The following ITGA11 variants were observed in gnomAD, a reference collection of about 807,000 sequenced individuals.
The protein encoded by ITGA11 is integrin alpha-11.
In ITGA11, 97 loss-of-function variants were observed where a neutral mutation model predicts 141.9. That is an observed-to-expected ratio of 0.68 (90% CI 0.58 to 0.81). The LOEUF (loss-of-function observed/expected upper bound fraction) is 0.81, where lower values mean the gene tolerates loss of function less well. Among genes scored for constraint, ITGA11 ranks in the 30% least tolerant of loss-of-function variants. ITGA11 has a pLI of 0.00. For missense variants in ITGA11, 1,387 were observed against 1,559.2 expected, an observed-to-expected ratio of 0.89 and a Z score of 1.86; for synonymous variants, 658 against 624.6, an observed-to-expected ratio of 1.05 and a Z score of -0.80.
At position 68,344,234 on chromosome 15, in the gene ITGA11, A is replaced by G. The variant is rs180906957; in HGVS notation, c.1132-4590T>C. ...CCCCTGGGGAGAGGGCCAGGAGACC[A>G]TCTTGACTGCCCGCCCAGCCTGGCA... On this transcript the variant is annotated intron_variant, in intron 10 of 29. Coordinates refer to ENST00000315757, the MANE Select transcript of ITGA11 (RefSeq NM_001004439.2). Among the ~76,000 whole-genome samples the G allele has an allele frequency of 2.6e-5, 4 of 152,184 alleles. No individual in the cohort carries two copies. In the East Asian group the frequency reaches 7.7e-4, roughly 29 times the overall value.
chr15:68,430,097 G>T (rs924696985), intron 1 of ITGA11, among the ~76,000 whole-genome samples: 1 of 152,200 alleles, frequency 6.6e-6, no homozygotes, highest in African/African-American at 2.4e-5. Flanking sequence ...TTCCAACATT[G>T]ATTGATATGT....
At chr15:68,344,039 T>C (rs770712737) in intron 10 of ITGA11, among the ~76,000 whole-genome samples, 3 of 152,046 alleles carry the variant, frequency 2.0e-5, no homozygotes, top group Non-Finnish European at 4.4e-5. Context: ...TTGCCTCCTG[T>C]CAGAGGCCCT....
In ITGA11 at chr15:68,328,285, C is replaced by G; in HGVS notation, c.1902-23G>C. 1 of 1,605,552 alleles carries G rather than the reference C, an allele frequency of 6.2e-7. No individual in the cohort carries two copies. The highest frequency in any genetic ancestry group is 8.5e-7 in the Non-Finnish European group (1 of 1,174,826). On this transcript the variant is annotated intron_variant, in intron 15 of 29. Transcript: ENST00000315757. This position sits in a 1 kb window ranked among gnomAD's most constrained non-coding sequence, Gnocchi z 4.8. Reference sequence around the variant, plus strand: ...GACCTGGAGGAGAAGGGCCAGTGAGCTGGGGTGGGGCAGGGGCTCAGGCTG... The same window carrying G: ...GACCTGGAGGAGAAGGGCCAGTGAGGTGGGGTGGGGCAGGGGCTCAGGCTG...
At chr15:68,409,082 C>A (rs1025582893) in intron 1 of ITGA11, among the ~76,000 whole-genome samples, 5 of 152,174 alleles carry the variant, frequency 3.3e-5, no homozygotes, top group Non-Finnish European at 5.9e-5. Context: ...GATCAAGATG[C>A]CCTGGTTCCT....
chr15:68,400,659 AAT>A (rs1491414259), intron 2 of ITGA11, among the ~76,000 whole-genome samples: 8 of 51,520 alleles, frequency 1.6e-4, no homozygotes, highest in African/African-American at 3.5e-4. Flanking sequence ...TTATATAATA[AAT>A]ATATTATATA....
At chr15:68,312,430 A>G (rs189038470) in intron 24 of ITGA11, among the ~76,000 whole-genome samples, 6 of 152,208 alleles carry the variant, frequency 3.9e-5, no homozygotes, top group Non-Finnish European at 8.8e-5. Flanking sequence ...GGAATAGAAG[A>G]CCCACTCCTG....
rs978206893 is a variant in ITGA11 at position 68,376,590 on chromosome 15, C to T, written c.165-7306G>A. 2.0e-5 allele frequency among the ~76,000 whole-genome samples: 3 copies of T among 152,214 alleles called. 1 individual carries two copies. The highest frequency in any genetic ancestry group is 4.4e-5 in the Non-Finnish European group (3 of 68,034). On this transcript the variant is annotated intron_variant, in intron 2 of 29. Transcript: ENST00000315757. ...TGAATCACCTGGCTTAGTGGGATGC[C>T]TGTGACCCAGTAGGCTGCAGCTTGG...
chr15:68,370,445 C>T (rs183155569), intron 2 of ITGA11, among the ~76,000 whole-genome samples: 8 of 152,298 alleles, frequency 5.3e-5, no homozygotes, highest in Non-Finnish European at 8.8e-5. Flanking sequence ...GGGCCCTCTA[C>T]GCCTCATCTC....
At chr15:68,385,174 G>A (rs1266678792) in intron 2 of ITGA11, among the ~76,000 whole-genome samples, 1 of 152,274 alleles carries the variant, frequency 6.6e-6, no homozygotes, top group Admixed American at 6.5e-5. Flanking sequence ...ATGTGCTTGA[G>A]TTTCCATTGC....
intron 1 of ITGA11, among the ~76,000 whole-genome samples, chr15:68,410,336 G>A (rs770520924): frequency 2.6e-5 from 4 of 152,176 alleles, no homozygotes; most frequent in Non-Finnish European, 2.9e-5. Flanking sequence ...GAGGGAGGGC[G>A]CTGGGATGGG....
rs1281488642 is a variant in ITGA11 at position 68,324,359 on chromosome 15, A to T, written c.2322+772T>A. ...TGGCTGGACTCTGTCACTCACACAG[A>T]CGTTGCTCAGAGACTGGACCTCACA... is the stretch of plus-strand genomic sequence containing the variant. On this transcript the variant is annotated intron_variant, in intron 18 of 29. Transcript: ENST00000315757. This position sits in a 1 kb window ranked among gnomAD's most constrained non-coding sequence, Gnocchi z 6.3. Among the ~76,000 whole-genome samples the T allele has an allele frequency of 6.6e-6, 1 of 152,216 alleles. No homozygotes were observed. Among genetic ancestry groups the T allele is most frequent in the Non-Finnish European group, 1.5e-5 (1 of 68,036 alleles).
At chr15:68,396,480 A>G (rs1896244756) in intron 2 of ITGA11, among the ~76,000 whole-genome samples, 1 of 152,082 alleles carries the variant, frequency 6.6e-6, no homozygotes, top group Non-Finnish European at 1.5e-5. Flanking sequence ...TTATTTAATT[A>G]TGAAATATTG....
rs573309205 is a variant in ITGA11, at chr15:68,322,305, G to C, written c.2323-802C>G. On this transcript the variant is annotated intron_variant, in intron 18 of 29. Coordinates refer to ENST00000315757, the MANE Select transcript of ITGA11 (RefSeq NM_001004439.2). This position sits in a 1 kb window ranked among gnomAD's most constrained non-coding sequence, Gnocchi z 5.6. ...GTCCTGACAGACCTGCATGCTGAAG[G>C]CTGCCCTGGCTGCTGTGGGAGAATG... Among the ~76,000 whole-genome samples, 48 of 152,172 alleles carry C rather than the reference G, an allele frequency of 3.2e-4. No homozygotes were observed. The highest frequency in any genetic ancestry group is 6.6e-4 in the Non-Finnish European group (45 of 68,022).
At chr15:68,332,504 G>C (rs1234507848) in intron 12 of ITGA11, 26 bp from the exon 13 acceptor site, 11 of 1,607,334 alleles carry the variant, frequency 6.8e-6, no homozygotes, top group Non-Finnish European at 9.4e-6. Context: ...GGAGAGAGGA[G>C]TGGGCTGGCT....
At chr15:68,331,145 C>T in intron 14 of ITGA11, 34 bp from the exon 15 acceptor site, 1 of 1,535,582 alleles carries the variant, frequency 6.5e-7, no homozygotes, top group South Asian at 1.2e-5. Context: ...GGAGGGCATG[C>T]ACACTGTGAG....
In ITGA11 at chr15:68,304,824, C is replaced by T. The variant is rs150307441; in HGVS notation, c.3382-939G>A. Among the ~76,000 whole-genome samples the T allele has an allele frequency of 3.2e-3, 487 of 152,362 alleles. 1 individual carries two copies. Among genetic ancestry groups the T allele is most frequent in the Non-Finnish European group, 4.5e-3 (309 of 68,036 alleles). ...ACTGACCCTAACTCTCACACCCACA[C>T]GGAGCCCAGCAGCAAAGTCTGTCCA... On this transcript the variant is annotated intron_variant, in intron 28 of 29. Transcript: ENST00000315757. The surrounding 1 kb of genome is among the most constrained non-coding windows in gnomAD (Gnocchi z 6.1).
chr15:68,307,707 A>G lies in ITGA11; in HGVS notation c.3175-11T>C. The stretch of plus-strand genomic sequence containing the variant: ...AGAGTTGCTGTGATTCTGAAAGAGA[A>G]GATGGGTCTCAGGGCTGAGCTGCTG... On this transcript the variant is annotated splice_polypyrimidine_tract_variant and intron_variant, in intron 26 of 29. Transcript: ENST00000315757. This position sits in a 1 kb window ranked among gnomAD's most constrained non-coding sequence, Gnocchi z 6.1. The G allele has an allele frequency of 6.3e-7, 1 of 1,596,990 alleles. No homozygotes were observed.
At chr15:68,347,693 A>G (rs1044799226) in intron 10 of ITGA11, among the ~76,000 whole-genome samples, 2 of 151,792 alleles carry the variant, frequency 1.3e-5, no homozygotes, top group African/African-American at 4.8e-5. Flanking sequence ...CGAGACTAAT[A>G]TTTTTTCTGA....
At chr15:68,360,505 AC>A (rs1406945597) in intron 5 of ITGA11, among the ~76,000 whole-genome samples, 6 of 152,120 alleles carry the variant, frequency 3.9e-5, no homozygotes, top group Non-Finnish European at 8.8e-5. Flanking sequence ...GCACACACAC[AC>A]ACTTGCACAT....
Sources: gnomAD v4.1 joint callset for allele counts (sites outside exome capture counted in the v4.1 genomes callset) on GRCh38, gnomAD v4.1.1 for gene constraint, Gnocchi (gnomAD v3.1) non-coding constraint, MANE v1.5 for transcripts, NCBI Gene and HGNC (gene_info 2026-07-23, HGNC 2026-07-21) for gene names.